Variants in CSMD1 observed in about 807,000 individuals in gnomAD.
The protein encoded by CSMD1 is CUB and Sushi multiple domains 1, also known as CUB and sushi domain-containing protein 1.
Under a neutral mutation model 417.5 loss-of-function variants are expected in CSMD1, and 213 were observed. The observed-to-expected ratio is 0.51, with a 90% CI of 0.46 to 0.57. The LOEUF (loss-of-function observed/expected upper bound fraction) is 0.57, where lower values mean the gene tolerates loss of function less well. CSMD1 is among the 20% of genes least tolerant of loss of function. The probability of loss-of-function intolerance (pLI) is 0.00; values close to 1 mark genes in which losing one functional copy is unlikely to be tolerated. For missense variants in CSMD1, 6,923 were observed against 4,529.7 expected (o/e 1.53, Z -15.17); for synonymous variants, 2,862 against 1,736.8 (o/e 1.65, Z -16.11).
intron 25 of CSMD1, among the ~76,000 whole-genome samples, chr8:3,301,379 G>C (rs886404211): frequency 1.3e-5 from 2 of 152,040 alleles, no homozygotes; most frequent in East Asian, 1.9e-4. Context: ...ACAGAAGTGT[G>C]GGAGCTAGTG....
chr8:3,449,271 T>C (rs1273698845), intron 12 of CSMD1, among the ~76,000 whole-genome samples: 1 of 152,176 alleles, frequency 6.6e-6, no homozygotes, highest in East Asian at 1.9e-4. Context: ...CTGAAAAATA[T>C]CTGAGAGACT....
At chr8:3,320,690 A>C (rs1457679295) in intron 23 of CSMD1, among the ~76,000 whole-genome samples, 18 of 152,124 alleles carry the variant, frequency 1.2e-4, no homozygotes, top group Non-Finnish European at 2.5e-4. Context: ...TCCATATCTC[A>C]TTCTTTGAAA....
At chr8:3,022,202 C>A (rs1307860803) in intron 51 of CSMD1, among the ~76,000 whole-genome samples, 2 of 150,630 alleles carry the variant, frequency 1.3e-5, no homozygotes, top group Non-Finnish European at 3.0e-5. Context: ...CCGGAATGCA[C>A]CCGCAGCCCC....
At chr8:3,659,209 G>A (rs1798283954) in intron 7 of CSMD1, among the ~76,000 whole-genome samples, 1 of 152,174 alleles carries the variant, frequency 6.6e-6, no homozygotes, top group Non-Finnish European at 1.5e-5. Context: ...CAAGGCAAGG[G>A]AAGCCCAGGG....
intron 7 of CSMD1, among the ~76,000 whole-genome samples, chr8:3,649,467 A>G (rs947460141): frequency 6.6e-6 from 1 of 152,212 alleles, no homozygotes; most frequent in South Asian, 2.1e-4. Flanking sequence ...CTCACAGTTC[A>G]TCATGGCTGG....
chr8:4,278,220 G>T (rs369147843), intron 3 of CSMD1, among the ~76,000 whole-genome samples: 1 of 152,084 alleles, frequency 6.6e-6, no homozygotes, highest in African/African-American at 2.4e-5. Flanking sequence ...GCCAAGCTTG[G>T]TAAGTGTTCA....
intron 3 of CSMD1, among the ~76,000 whole-genome samples, chr8:4,263,010 G>C (rs554454879): frequency 2.4e-4 from 37 of 152,252 alleles, no homozygotes; most frequent in African/African-American, 8.7e-4. Flanking sequence ...CACTAATTCT[G>C]TCTTGGCCAA....
At chr8:3,522,875 T>G (rs550002834) in intron 10 of CSMD1, among the ~76,000 whole-genome samples, 22 of 149,834 alleles carry the variant, frequency 1.5e-4, no homozygotes, top group African/African-American at 5.1e-4. Flanking sequence ...GTAAATTATA[T>G]TAAATATTAC....
chr8:4,578,955 A>C (rs1428622254), intron 2 of CSMD1, among the ~76,000 whole-genome samples: 1 of 152,060 alleles, frequency 6.6e-6, no homozygotes, highest in Non-Finnish European at 1.5e-5. Flanking sequence ...TTTAATTAAA[A>C]TGATTAACCT....
intron 3 of CSMD1, among the ~76,000 whole-genome samples, chr8:4,206,477 T>G (rs1799989355): frequency 1.3e-5 from 2 of 152,228 alleles, no homozygotes; most frequent in South Asian, 4.1e-4. Context: ...AGAATAATGG[T>G]TTCCAGCTTC....
chr8:4,924,322 A>T (rs1231339631), intron 1 of CSMD1, among the ~76,000 whole-genome samples: 1 of 152,240 alleles, frequency 6.6e-6, no homozygotes, highest in Non-Finnish European at 1.5e-5. Flanking sequence ...ATGTTCATGT[A>T]AAATGAATTT....
intron 11 of CSMD1, among the ~76,000 whole-genome samples, chr8:3,483,249 GGA>G (rs1817844298): frequency 6.6e-6 from 1 of 151,972 alleles, no homozygotes; most frequent in African/African-American, 2.4e-5. Flanking sequence ...AAAGAGAAAG[GGA>G]GAGAGAGATA....
chr8:4,562,461 A>G (rs1209512578), intron 2 of CSMD1, among the ~76,000 whole-genome samples: 1 of 152,230 alleles, frequency 6.6e-6, no homozygotes, highest in East Asian at 1.9e-4. Context: ...CTCAAACTGT[A>G]GAGATTGAAT....
intron 10 of CSMD1, among the ~76,000 whole-genome samples, chr8:3,520,453 A>T (rs1797461028): frequency 6.6e-6 from 1 of 152,200 alleles, no homozygotes; most frequent in Admixed American, 6.6e-5. Context: ...CAATCTTAAA[A>T]TATCAAGTTA....
intron 26 of CSMD1, among the ~76,000 whole-genome samples, chr8:3,244,154 T>C (rs185694725): frequency 2.1e-4 from 32 of 152,242 alleles, no homozygotes; most frequent in African/African-American, 7.5e-4. Context: ...AGGAAAGCTG[T>C]TGGGTTCGAA....
intron 1 of CSMD1, among the ~76,000 whole-genome samples, chr8:4,653,476 C>A (rs975401853): frequency 6.6e-6 from 1 of 152,026 alleles, no homozygotes; most frequent in Admixed American, 6.6e-5. Context: ...ATTTGCATTT[C>A]AAATAAAGGA....
At chr8:3,215,434 C>T (rs995909953) in intron 29 of CSMD1, among the ~76,000 whole-genome samples, 1 of 152,138 alleles carries the variant, frequency 6.6e-6, no homozygotes, top group Non-Finnish European at 1.5e-5. Flanking sequence ...GAACTAGGTG[C>T]ATTTCTTGTT....
chr8:3,443,765 T>C (rs1005364248), intron 12 of CSMD1, among the ~76,000 whole-genome samples: 14 of 152,184 alleles, frequency 9.2e-5, no homozygotes, highest in African/African-American at 3.1e-4. Context: ...GACCTTGAAA[T>C]ACAGTAATTT....
intron 25 of CSMD1, among the ~76,000 whole-genome samples, chr8:3,304,377 C>G (rs972608253): frequency 6.6e-6 from 1 of 152,026 alleles, no homozygotes; most frequent in African/African-American, 2.4e-5. Flanking sequence ...AGTATTAGTA[C>G]AATTTTAAGT....
Sources: allele counts gnomAD v4.1 joint callset (sites outside exome capture counted in the v4.1 genomes callset), GRCh38; gene constraint gnomAD v4.1.1; transcripts MANE v1.5; gene names NCBI Gene and HGNC (gene_info 2026-07-23, HGNC 2026-07-21).